Variants in ZNF777 observed in about 807,000 individuals in gnomAD.
ZNF777 encodes zinc finger protein 777.
In ZNF777, 7 loss-of-function variants were observed where a neutral mutation model predicts 72.1. That is an observed-to-expected ratio of 0.10 (90% confidence interval 0.06 to 0.18). ZNF777 has a LOEUF of 0.18. Among genes scored for constraint, ZNF777 ranks in the 10% least tolerant of loss-of-function variants. The pLI is 1.00. For synonymous variants in ZNF777, 545 were observed against 483.5 expected (o/e 1.13, Z -1.67); for missense variants, 828 against 1,128.6 (o/e 0.73, Z 3.82).
rs2293345 is a variant in ZNF777, at chr7:149,460,906, T to C, written c.-107A>G. ...GGAGCGCGCAGCCCAGGCGACGTGC[T>C]GGGGTCTGGAGGCGGCTTGATTGGC... On this transcript the variant is annotated 5_prime_UTR_variant, in exon 1 of 6. Transcript: ENST00000247930. The surrounding 1 kb of genome is among the most constrained non-coding windows in gnomAD (Gnocchi z 6.1). 109,644 of 152,248 alleles carry C rather than the reference T, an allele frequency of 0.72. 40,485 individuals are homozygous for C. Among genetic ancestry groups the C allele is most frequent in the East Asian group, 0.88 (4,525 of 5,148 alleles). 9.4% of individuals were successfully genotyped at this position (152,248 alleles called of 1,614,324 possible).
At position 149,431,983 on chromosome 7, in the gene ZNF777, G is replaced by A. The variant is rs761116487; in HGVS notation, c.2289C>T (p.His763=). 39 of 1,610,364 alleles carry A rather than the reference G, an allele frequency of 2.4e-5. No homozygotes were observed. Among genetic ancestry groups the A allele is most frequent in the Non-Finnish European group, 3.0e-5 (35 of 1,179,416 alleles). The part of the protein sequence containing the change: ...PECGKSFIRK[H]HLLEHRRIHT... Reference sequence around the variant, plus strand: ...GGATGCGCCGGTGTTCCAGGAGGTGGTGCTTGCGGATGAAGCTCTTGCCGC... The same window carrying A: ...GGATGCGCCGGTGTTCCAGGAGGTGATGCTTGCGGATGAAGCTCTTGCCGC... Residue 763 remains histidine (H), a synonymous_variant, in exon 6 of 6, where the codon CAC becomes CAT. Coordinates refer to ENST00000247930, the MANE Select transcript of ZNF777 (RefSeq NM_015694.3).
intron 4 of ZNF777, among the ~76,000 whole-genome samples, chr7:149,450,122 C>A (rs1339073758): frequency 6.6e-6 from 1 of 152,174 alleles, no homozygotes; most frequent in East Asian, 1.9e-4. Context: ...TGTTCACACG[C>A]CACACCTGCC....
intron 3 of ZNF777, among the ~76,000 whole-genome samples, chr7:149,451,817 G>A (rs972701375): frequency 2.6e-5 from 4 of 152,204 alleles, no homozygotes; most frequent in Admixed American, 1.3e-4. Context: ...GAAGAAACTT[G>A]GAGGAAATAT....
intron 4 of ZNF777, among the ~76,000 whole-genome samples, chr7:149,448,734 C>T (rs1049491949): frequency 3.3e-5 from 5 of 151,586 alleles, no homozygotes; most frequent in East Asian, 3.9e-4. Context: ...CCTTCTGGTT[C>T]GCTTTACTCT....
At position 149,431,713 on chromosome 7, in the gene ZNF777, G is replaced by A. The variant is rs562061452; in HGVS notation, c.*63C>T. 78 of 1,219,302 alleles carry A rather than the reference G, an allele frequency of 6.4e-5. No homozygotes were observed. The African/African-American group carries it at 1.2e-3, about 19-fold the overall frequency. The allele number at this position is 1,219,302 out of a possible 1,614,324, so 75.5% of individuals were successfully genotyped here. ...GCCCCCGCCCGCTGGGCTCGGGCCTGGCGGTGTCCGAGGGGGGGCACGGCC... is the reference window on the plus strand; with the variant it reads ...GCCCCCGCCCGCTGGGCTCGGGCCTAGCGGTGTCCGAGGGGGGGCACGGCC... On this transcript the variant is annotated 3_prime_UTR_variant, in exon 6 of 6. Coordinates refer to ENST00000247930, the MANE Select transcript of ZNF777 (RefSeq NM_015694.3).
chr7:149,448,352 C>T (rs1327401584), intron 4 of ZNF777, among the ~76,000 whole-genome samples: 2 of 151,122 alleles, frequency 1.3e-5, no homozygotes, highest in Non-Finnish European at 2.9e-5. Flanking sequence ...CACCTGTAAT[C>T]CCAGCTACTC....
rs759798981 is a variant in ZNF777 at position 149,455,162 on chromosome 7, T to C, written c.846+15A>G. On this transcript the variant is annotated intron_variant, in intron 2 of 5. Transcript: ENST00000247930. The surrounding 1 kb of genome is among the most constrained non-coding windows in gnomAD (Gnocchi z 4.2). ...AGATCACTTCCTTGGGAAGCCCCAG[T>C]TGGGATGTGCTTACCTTGGGAACTT... The C allele has an allele frequency of 3.0e-5, 48 of 1,601,686 alleles. No individual in the cohort carries two copies. The South Asian group carries it at 4.9e-4, about 16-fold the overall frequency.
intron 4 of ZNF777, among the ~76,000 whole-genome samples, chr7:149,445,188 T>G (rs1339015115): frequency 6.6e-6 from 1 of 152,216 alleles, no homozygotes; most frequent in Non-Finnish European, 1.5e-5. Context: ...TCCTTTCTAT[T>G]CCTTTTTTAA....
Position 149,436,476 on chromosome 7 carries a change from A to T in ZNF777, c.1339+99T>A. The T allele has an allele frequency of 7.1e-7, 1 of 1,408,362 alleles. No individual in the cohort carries two copies. Among genetic ancestry groups the T allele is most frequent in the Non-Finnish European group, 9.5e-7 (1 of 1,047,772 alleles). 87.2% of individuals were successfully genotyped at this position (1,408,362 alleles called of 1,614,324 possible). A position where few individuals can be genotyped will look rare whatever the true frequency, so the allele number is the denominator to read the frequency against. On this transcript the variant is annotated intron_variant, in intron 5 of 5. Transcript: ENST00000247930. This position sits in a 1 kb window ranked among gnomAD's most constrained non-coding sequence, Gnocchi z 5.0. ...CCCACCTGTTGCCCCATCAGTGTCC[A>T]GCTACCTCTCTGAAGGAACCACAGC...
At chr7:149,450,055 G>A (rs1170051592) in intron 4 of ZNF777, among the ~76,000 whole-genome samples, 1 of 152,176 alleles carries the variant, frequency 6.6e-6, no homozygotes, top group Non-Finnish European at 1.5e-5. Flanking sequence ...CCCAAACAGA[G>A]TTCTCCAGGT....
chr7:149,433,483 G>C (rs1020323867), intron 5 of ZNF777, among the ~76,000 whole-genome samples: 1 of 152,232 alleles, frequency 6.6e-6, no homozygotes, highest in African/African-American at 2.4e-5. Flanking sequence ...ATCTCTGCCT[G>C]AACTCTGCTC....
At position 149,441,043 on chromosome 7, in the gene ZNF777, A is replaced by G. The variant is rs571580015; in HGVS notation, c.1088-4217T>C. 3.3e-5 allele frequency among the ~76,000 whole-genome samples: 5 copies of G among 152,234 alleles called. No homozygotes were observed. The East Asian group carries it at 9.6e-4, about 29-fold the overall frequency. ...GCACATACTCTACTCTTCCTCCCTC[A>G]AAACAGGCAGTATGTACACACTTTC... On this transcript the variant is annotated intron_variant, in intron 4 of 5. Transcript: ENST00000247930.
At chr7:149,443,636 ACTT>A (rs1245723545) in intron 4 of ZNF777, among the ~76,000 whole-genome samples, 4 of 152,100 alleles carry the variant, frequency 2.6e-5, no homozygotes, top group Admixed American at 6.5e-5. Context: ...GTTCTTCAAA[ACTT>A]CTTTTTTTTG....
intron 1 of ZNF777, chr7:149,459,759 G>A: frequency 1.0e-6 from 1 of 985,064 alleles, no homozygotes; most frequent in Non-Finnish European, 1.2e-6. Context: ...CCGCGCCCGG[G>A]CCGGGGAAGG....
At chr7:149,440,896 C>T (rs567061581) in intron 4 of ZNF777, among the ~76,000 whole-genome samples, 2 of 151,982 alleles carry the variant, frequency 1.3e-5, no homozygotes, top group African/African-American at 4.8e-5. Flanking sequence ...GCCTTCAATA[C>T]CTGGCCCTAC....
In ZNF777 at chr7:149,432,204, G is replaced by C. The variant is rs1160668268; in HGVS notation, c.2068C>G (p.His690Asp). The C allele has an allele frequency of 4.4e-6, 7 of 1,605,832 alleles. No homozygotes were observed. The highest frequency in any genetic ancestry group is 5.9e-6 in the Non-Finnish European group (7 of 1,179,818). The change falls in exon 6 of 6, where the codon CAT becomes GAT. Residue 690 changes from histidine to aspartate, a missense_variant. Physicochemically the swap from His to Asp is moderately conservative, Grantham distance 81. Transcript: ENST00000247930. ...AGGCTGCAGATGAAGGAGACCTCAT[G>C]CTTGCCCGCGTGCACGCGCTGATGG... ...VIHQRVHAGK[H>D]EVSFICSLCG... is the part of the protein sequence containing the mutation.
rs147432920 is a variant in ZNF777, at chr7:149,437,117, T to G, written c.1088-291A>C. Among the ~76,000 whole-genome samples the G allele has an allele frequency of 8.6e-4, 131 of 152,288 alleles. 1 individual carries two copies. Among genetic ancestry groups the G allele is most frequent in the African/African-American group, 3.0e-3 (125 of 41,552 alleles). The stretch of plus-strand genomic sequence containing the variant: ...CATTGTCAGGGTTTATTTTTACTCT[T>G]ATTTTTTCAATAGAGAAAGGTCTCA... On this transcript the variant is annotated intron_variant, in intron 4 of 5. Coordinates refer to ENST00000247930, the MANE Select transcript of ZNF777 (RefSeq NM_015694.3).
intron 4 of ZNF777, among the ~76,000 whole-genome samples, chr7:149,437,797 T>C (rs1056455687): frequency 9.3e-6 from 1 of 107,546 alleles, no homozygotes; most frequent in African/African-American, 4.1e-5. Context: ...ATATGTTTGT[T>C]TCTTTTTCTT....
chr7:149,445,580 T>C (rs1799587658), intron 4 of ZNF777, among the ~76,000 whole-genome samples: 1 of 152,220 alleles, frequency 6.6e-6, no homozygotes, highest in Non-Finnish European at 1.5e-5. Flanking sequence ...GTGGGTTTAA[T>C]TCTGGGTGTT....
Sources: gnomAD v4.1 joint callset for allele counts (sites outside exome capture counted in the v4.1 genomes callset) on GRCh38, gnomAD v4.1.1 for gene constraint, Gnocchi (gnomAD v3.1) non-coding constraint, MANE v1.5 for transcripts, NCBI Gene and HGNC (gene_info 2026-07-23, HGNC 2026-07-21) for gene names.